Variants in CUX2 observed in about 807,000 individuals in gnomAD.
CUX2 encodes the protein homeobox protein cut-like 2.
CUX2 carries 40 observed loss-of-function variants against 144.8 expected under a neutral mutation model. The observed-to-expected ratio is 0.28, with a 90% CI of 0.21 to 0.36. The LOEUF (loss-of-function observed/expected upper bound fraction) is 0.36, where lower values mean the gene tolerates loss of function less well. CUX2 is among the 10% of genes least tolerant of loss of function. The pLI, the probability that CUX2 is intolerant of heterozygous loss-of-function variation, is 1.00. For missense variants in CUX2, 1,615 were observed against 1,994.0 expected, an observed-to-expected ratio of 0.81 and a Z score of 3.62; for synonymous variants, 827 against 875.6, an observed-to-expected ratio of 0.94 and a Z score of 0.98.
At chr12:111,220,743 CAAAAAAAAAAAAAAAAAAAAAAAAA>C (rs549438290) in intron 3 of CUX2, among the ~76,000 whole-genome samples, 14 of 39,132 alleles carry the variant, frequency 3.6e-4, no homozygotes, top group African/African-American at 1.5e-3. Flanking sequence ...CTCATCTCTG[CAAAAAAAAAAAAAAAAAAAAAAAAA>C]AAAAAAAAAA....
chr12:111,100,433 C>T (rs1873150009), intron 1 of CUX2, among the ~76,000 whole-genome samples: 1 of 151,922 alleles, frequency 6.6e-6, no homozygotes, highest in African/African-American at 2.4e-5. Flanking sequence ...TTGGAGGTGG[C>T]CATGGGTGTG....
intron 1 of CUX2, among the ~76,000 whole-genome samples, chr12:111,202,949 G>A (rs975722408): frequency 6.6e-6 from 1 of 152,074 alleles, no homozygotes; most frequent in African/African-American, 2.4e-5. Flanking sequence ...GAATCAATAA[G>A]GGCTGGGCAC....
rs765779977 is a variant in CUX2, at chr12:111,320,494, G to A, written c.2485G>A (p.Glu829Lys). 6.9e-6 allele frequency: 11 copies of A among 1,584,914 alleles called. No homozygotes were observed. Among genetic ancestry groups the A allele is most frequent in the Non-Finnish European group, 8.5e-6 (10 of 1,170,402 alleles). The stretch of plus-strand genomic sequence containing the variant: ...CGGCCGCGCCTGGCCCCGCGGGGAC[G>A]AGGCCCCTGTGCCCCCCGAGGACGA... The part of the protein sequence containing the change: ...PNGRAWPRGD[E>K]APVPPEDEAA... The change falls in exon 17 of 22, where the codon GAG (glutamate) becomes AAG (lysine). Residue 829 changes from glutamate to lysine, a missense_variant. Glu to Lys is a moderately conservative substitution (Grantham distance 56, BLOSUM62 1). Transcript: ENST00000261726. This position sits in a 1 kb window ranked among gnomAD's most constrained non-coding sequence, Gnocchi z 8.1.
At chr12:111,313,115 G>A (rs1015186166) in intron 16 of CUX2, among the ~76,000 whole-genome samples, 1 of 152,114 alleles carries the variant, frequency 6.6e-6, no homozygotes, top group Non-Finnish European at 1.5e-5. Context: ...AGGCTGGAGT[G>A]CAGTGGCGCA....
At chr12:111,144,469 C>T (rs1177806302) in intron 1 of CUX2, among the ~76,000 whole-genome samples, 1 of 152,230 alleles carries the variant, frequency 6.6e-6, no homozygotes, top group Non-Finnish European at 1.5e-5. Context: ...TAACTCCCAA[C>T]TCAAATGTCA....
rs1258682795 is a variant in CUX2 at position 111,289,286 on chromosome 12, C to T, written c.302-2132C>T. 3.3e-5 allele frequency among the ~76,000 whole-genome samples: 5 copies of T among 152,148 alleles called. No homozygotes were observed. The highest frequency in any genetic ancestry group is 9.7e-5 in the African/African-American group (4 of 41,420). The stretch of plus-strand genomic sequence containing the variant: ...CACCATCTGCACCTGCTGGGGCTGT[C>T]AAGAGCAGGCACTAGGACAGGAGGC... On this transcript the variant is annotated intron_variant, in intron 4 of 21. Coordinates refer to ENST00000261726, the MANE Select transcript of CUX2 (RefSeq NM_015267.4). The surrounding 1 kb of genome is among the most constrained non-coding windows in gnomAD (Gnocchi z 4.1).
intron 1 of CUX2, among the ~76,000 whole-genome samples, chr12:111,101,063 C>T (rs1225058800): frequency 6.6e-6 from 1 of 152,172 alleles, no homozygotes; most frequent in African/African-American, 2.4e-5. Context: ...GTAGCTTGGG[C>T]GATAAAAACA....
chr12:111,309,969 C>T, intron 14 of CUX2, 72 bp from the exon 15 acceptor site: 1 of 1,238,904 alleles, frequency 8.1e-7, no homozygotes, highest in South Asian at 3.7e-5. Flanking sequence ...GGTTCTTTTT[C>T]TCCCTGTCTC....
Position 111,061,176 on chromosome 12 carries a change from A to ATG in CUX2, c.63+26937_63+26938dup, listed in dbSNP as rs1181133859. On this transcript the variant is annotated intron_variant, in intron 1 of 21. Coordinates refer to ENST00000261726, the MANE Select transcript of CUX2 (RefSeq NM_015267.4). This position sits in a 1 kb window ranked among gnomAD's most constrained non-coding sequence, Gnocchi z 4.2. ...GCTGTCCCCAGATGTGTGCATGCAT[A>ATG]TGCACACACACACACACACACACAC... Among the ~76,000 whole-genome samples the ATG allele has an allele frequency of 9.0e-6, 1 of 111,476 alleles. No homozygotes were observed. Among genetic ancestry groups the ATG allele is most frequent in the Non-Finnish European group, 1.8e-5 (1 of 54,438 alleles). The allele number at this position is 111,476 out of a possible 152,430, so 73.1% of individuals were successfully genotyped here. A position where few individuals can be genotyped will look rare whatever the true frequency, so the allele number is the denominator to read the frequency against.
At chr12:111,303,137 A>G (rs1886378449) in intron 9 of CUX2, among the ~76,000 whole-genome samples, 3 of 141,946 alleles carry the variant, frequency 2.1e-5, no homozygotes, top group Non-Finnish European at 3.1e-5. Flanking sequence ...GGGAGGATCA[A>G]TTGATCCCGG....
chr12:111,201,208 T>G (rs568491867), intron 1 of CUX2, among the ~76,000 whole-genome samples: 30 of 152,274 alleles, frequency 2.0e-4, no homozygotes, highest in Non-Finnish European at 4.4e-4. Flanking sequence ...TCCTGCCTGA[T>G]GCCTCCACCC....
intron 3 of CUX2, among the ~76,000 whole-genome samples, chr12:111,257,386 C>T (rs1460886679): frequency 1.3e-5 from 1 of 79,620 alleles, no homozygotes; most frequent in Admixed American, 1.1e-4. Context: ...TCTTCCTCCC[C>T]CTCCCACTTC....
rs772307363 is a variant in CUX2 at position 111,293,536 on chromosome 12, C to T, written c.527C>T (p.Thr176Ile). The change falls in exon 6 of 22, where the codon ACC becomes ATC. Residue 176 changes from threonine (T) to isoleucine (I), a missense_variant. Physicochemically the swap from Thr to Ile is moderately conservative, Grantham distance 89. This residue lies in a region of CUX2 where 295 missense variants were observed against 400.2 expected (regional missense o/e 0.74). Transcript: ENST00000261726. This position sits in a 1 kb window ranked among gnomAD's most constrained non-coding sequence, Gnocchi z 4.5. Reference protein sequence around the residue: ...GIPGKALLTETLLQRNEAEKQ... With the variant: ...GIPGKALLTEILLQRNEAEKQ... ...CCCGGGAAAGCCCTCCTGACAGAAA[C>T]CTTGCTGCAGAGAAATGAGGCGGAA... 6.3e-6 allele frequency: 10 copies of T among 1,596,592 alleles called. No individual in the cohort carries two copies. The highest frequency in any genetic ancestry group is 8.5e-6 in the Non-Finnish European group (10 of 1,173,512).
At chr12:111,187,618 C>T (rs1044303788) in intron 1 of CUX2, among the ~76,000 whole-genome samples, 5 of 152,228 alleles carry the variant, frequency 3.3e-5, no homozygotes, top group African/African-American at 7.2e-5. Context: ...TGGGCACCCC[C>T]GTGCCACTGG....
intron 1 of CUX2, among the ~76,000 whole-genome samples, chr12:111,109,855 T>C (rs1444225074): frequency 1.3e-5 from 2 of 152,068 alleles, no homozygotes; most frequent in African/African-American, 4.8e-5. Flanking sequence ...AGGGTGGATC[T>C]CCCCCGATCT....
At chr12:111,330,319 C>T (rs2136424855) in intron 18 of CUX2, among the ~76,000 whole-genome samples, 1 of 152,246 alleles carries the variant, frequency 6.6e-6, no homozygotes, top group African/African-American at 2.4e-5. Flanking sequence ...TGGGGACTCA[C>T]CTGTGACTAA....
At chr12:111,228,269 A>T (rs1199649787) in intron 3 of CUX2, among the ~76,000 whole-genome samples, 1 of 152,050 alleles carries the variant, frequency 6.6e-6, no homozygotes, top group African/African-American at 2.4e-5. Context: ...TCAACTCCCC[A>T]TTTTGCTACT....
chr12:111,186,466 C>T lies in CUX2; in HGVS notation c.64-27734C>T, dbSNP rs1436382459. ...ATAAACTAGGCGGGGAACAGGGGAG[C>T]GGGAAGGGCACACGCGCAGGTCCTG... On this transcript the variant is annotated intron_variant, in intron 1 of 21. Transcript: ENST00000261726. The surrounding 1 kb of genome is among the most constrained non-coding windows in gnomAD (Gnocchi z 4.4). Among the ~76,000 whole-genome samples the T allele has an allele frequency of 2.6e-5, 4 of 152,136 alleles. No individual in the cohort carries two copies. Among genetic ancestry groups the T allele is most frequent in the African/African-American group, 9.7e-5 (4 of 41,432 alleles).
chr12:111,302,837 T>C (rs1159948380), intron 9 of CUX2, among the ~76,000 whole-genome samples: 1 of 146,536 alleles, frequency 6.8e-6, no homozygotes, highest in Non-Finnish European at 1.5e-5. Context: ...GAGGTGGAGG[T>C]TGCAGTGAGC....
Sources: gnomAD v4.1 joint callset for allele counts (sites outside exome capture counted in the v4.1 genomes callset) on GRCh38, gnomAD v4.1.1 for gene constraint, gnomAD v4.1.1 regional missense constraint, Gnocchi (gnomAD v3.1) non-coding constraint, MANE v1.5 for transcripts, NCBI Gene and HGNC (gene_info 2026-07-23, HGNC 2026-07-21) for gene names.